Variants in AGAP1 observed in about 807,000 individuals in gnomAD.
The protein encoded by AGAP1 is ArfGAP with GTPase domain, ankyrin repeat and PH domain 1.
AGAP1 carries 29 observed loss-of-function variants against 105.3 expected under a neutral mutation model. That is an observed-to-expected ratio of 0.28 (90% CI 0.21 to 0.38). The LOEUF (loss-of-function observed/expected upper bound fraction) is 0.38. Among genes scored for constraint, AGAP1 ranks in the 10% least tolerant of loss-of-function variants. The pLI is 1.00. For synonymous variants in AGAP1, 509 were observed against 485.9 expected, an observed-to-expected ratio of 1.05 and a Z score of -0.63; for missense variants, 998 against 1,165.1, an observed-to-expected ratio of 0.86 and a Z score of 2.09.
At chr2:235,760,412 T>C (rs562913477) in intron 6 of AGAP1, among the ~76,000 whole-genome samples, 1 of 152,232 alleles carries the variant, frequency 6.6e-6, no homozygotes, top group African/African-American at 2.4e-5. Flanking sequence ...TAAATACAAA[T>C]GTGTAAGATA....
At chr2:235,827,128 G>A (rs576052829) in intron 9 of AGAP1, among the ~76,000 whole-genome samples, 107 of 152,324 alleles carry the variant, frequency 7.0e-4, no homozygotes, top group Non-Finnish European at 1.1e-3. Flanking sequence ...CCTTCAAGAT[G>A]AGAGGACACA....
At chr2:235,704,969 CTTTT>C (rs969370505) in intron 1 of AGAP1, among the ~76,000 whole-genome samples, 5 of 59,732 alleles carry the variant, frequency 8.4e-5, no homozygotes, top group African/African-American at 3.4e-4. Flanking sequence ...ATGCTTTTTT[CTTTT>C]TTTTTTTTTT....
intron 1 of AGAP1, among the ~76,000 whole-genome samples, chr2:235,606,372 C>T (rs1180244503): frequency 6.6e-6 from 1 of 152,158 alleles, no homozygotes. Flanking sequence ...CATCCTTCAC[C>T]CTGGAGCCAG....
chr2:236,000,035 A>G lies in AGAP1; in HGVS notation c.1645+31412A>G, dbSNP rs1163344899. Reference sequence around the variant, plus strand: ...AAAGAATACGTGAAGGCCAGCTTCTAGACCAGTGTCCTCACGTGCAGGCGT... The same window carrying G: ...AAAGAATACGTGAAGGCCAGCTTCTGGACCAGTGTCCTCACGTGCAGGCGT... On this transcript the variant is annotated intron_variant, in intron 13 of 17. Coordinates refer to ENST00000304032, the MANE Select transcript of AGAP1 (RefSeq NM_001037131.3). The surrounding 1 kb of genome is among the most constrained non-coding windows in gnomAD (Gnocchi z 4.3). 1.3e-5 allele frequency among the ~76,000 whole-genome samples: 2 copies of G among 152,150 alleles called. No homozygotes were observed. The highest frequency in any genetic ancestry group is 4.8e-5 in the African/African-American group (2 of 41,420).
At chr2:235,534,893 G>A (rs1943160720) in intron 1 of AGAP1, among the ~76,000 whole-genome samples, 1 of 152,244 alleles carries the variant, frequency 6.6e-6, no homozygotes, top group Middle Eastern at 3.4e-3. Flanking sequence ...CCTCTTTAGG[G>A]GTCCTTGGAT....
At chr2:236,086,772 G>T (rs1481706263) in intron 16 of AGAP1, among the ~76,000 whole-genome samples, 1 of 152,096 alleles carries the variant, frequency 6.6e-6, no homozygotes, top group Non-Finnish European at 1.5e-5. Context: ...ACACAGGAGG[G>T]CACTGGCCAG....
intron 9 of AGAP1, among the ~76,000 whole-genome samples, chr2:235,808,614 G>C (rs550017564): frequency 6.6e-6 from 1 of 152,310 alleles, no homozygotes; most frequent in South Asian, 2.1e-4. Flanking sequence ...AACCGACCCT[G>C]CCCGGGAGCA....
At chr2:235,815,174 C>T (rs1049088616) in intron 9 of AGAP1, among the ~76,000 whole-genome samples, 9 of 152,180 alleles carry the variant, frequency 5.9e-5, no homozygotes, top group Non-Finnish European at 1.0e-4. Context: ...CAGCCCCACA[C>T]AGCGCATGAG....
rs1280091572 is a variant in AGAP1 at position 235,664,544 on chromosome 2, C to G, written c.164-44635C>G. 2.0e-5 allele frequency among the ~76,000 whole-genome samples: 3 copies of G among 152,130 alleles called. No homozygotes were observed. Among genetic ancestry groups the G allele is most frequent in the Non-Finnish European group, 4.4e-5 (3 of 68,032 alleles). On this transcript the variant is annotated intron_variant, in intron 1 of 17. Coordinates refer to ENST00000304032, the MANE Select transcript of AGAP1 (RefSeq NM_001037131.3). The surrounding 1 kb of genome is among the most constrained non-coding windows in gnomAD (Gnocchi z 5.7). The stretch of plus-strand genomic sequence containing the variant: ...GATTTAATATCTTAAGTCACCTTTG[C>G]CTGACACTTAGCAAGAAAAACTACC...
At chr2:235,926,139 G>C (rs4663218) in intron 11 of AGAP1, among the ~76,000 whole-genome samples, 4 of 152,018 alleles carry the variant, frequency 2.6e-5, no homozygotes, top group Non-Finnish European at 5.9e-5. Context: ...AGGTCAATTA[G>C]TTAATGACAT....
intron 11 of AGAP1, among the ~76,000 whole-genome samples, chr2:235,916,617 C>T (rs144898777): frequency 6.6e-6 from 1 of 152,244 alleles, no homozygotes; most frequent in East Asian, 1.9e-4. Flanking sequence ...CTCACTAAAC[C>T]CCAGCTTCCT....
At position 236,005,975 on chromosome 2, in the gene AGAP1, C is replaced by T. The variant is rs952317005; in HGVS notation, c.1646-30586C>T. 6.6e-6 allele frequency among the ~76,000 whole-genome samples: 1 copy of T among 152,298 alleles called. No homozygotes were observed. Among genetic ancestry groups the T allele is most frequent in the Non-Finnish European group, 1.5e-5 (1 of 68,020 alleles). On this transcript the variant is annotated intron_variant, in intron 13 of 17. Transcript: ENST00000304032. The surrounding 1 kb of genome is among the most constrained non-coding windows in gnomAD (Gnocchi z 4.1). The stretch of plus-strand genomic sequence containing the variant: ...GTCACTGTGCACTTAAGGAGTTGGG[C>T]GTTAGACCCCCTGTCCTTGAGGGTG...
intron 11 of AGAP1, among the ~76,000 whole-genome samples, chr2:235,925,302 AT>A (rs1194151116): frequency 5.8e-4 from 88 of 152,136 alleles, no homozygotes; most frequent in Non-Finnish European, 9.8e-4. Flanking sequence ...TGCAAAGAAC[AT>A]TTCCAACGAT....
At chr2:235,755,535 G>T (rs759176842) in intron 6 of AGAP1, among the ~76,000 whole-genome samples, 4 of 152,160 alleles carry the variant, frequency 2.6e-5, no homozygotes, top group Non-Finnish European at 5.9e-5. Flanking sequence ...CTACCTCCCG[G>T]GTTCAAGCAG....
rs1339469466 is a variant in AGAP1 at position 235,610,324 on chromosome 2, T to G, written c.164-98855T>G. 6.6e-6 allele frequency among the ~76,000 whole-genome samples: 1 copy of G among 152,298 alleles called. No homozygotes were observed. The highest frequency in any genetic ancestry group is 1.9e-4 in the East Asian group (1 of 5,164). On this transcript the variant is annotated intron_variant, in intron 1 of 17. Transcript: ENST00000304032. This position sits in a 1 kb window ranked among gnomAD's most constrained non-coding sequence, Gnocchi z 4.9. ...CCACCGTGCACTTGTCCGCTTGGGCTGCCATAACAAAATACCAGACGCTGG... is the reference window on the plus strand; with the variant it reads ...CCACCGTGCACTTGTCCGCTTGGGCGGCCATAACAAAATACCAGACGCTGG...
intron 13 of AGAP1, among the ~76,000 whole-genome samples, chr2:236,029,928 G>A (rs1186551819): frequency 1.3e-5 from 2 of 151,834 alleles, no homozygotes; most frequent in Non-Finnish European, 2.9e-5. Flanking sequence ...TTGTAGAGAT[G>A]AGGTCTCACT....
chr2:235,607,847 T>TAG (rs1945997941), intron 1 of AGAP1, among the ~76,000 whole-genome samples: 1 of 152,148 alleles, frequency 6.6e-6, no homozygotes, highest in Non-Finnish European at 1.5e-5. Flanking sequence ...TTCTTTGAGG[T>TAG]TTAATAGTAT....
chr2:235,497,648 G>A (rs1299903427), intron 1 of AGAP1, among the ~76,000 whole-genome samples: 1 of 152,230 alleles, frequency 6.6e-6, no homozygotes, highest in African/African-American at 2.4e-5. Context: ...CCAGGCTGGA[G>A]TGCAGCGGCG....
Position 235,976,015 on chromosome 2 carries a change from T to C in AGAP1, c.1645+7392T>C, listed in dbSNP as rs530428361. Among the ~76,000 whole-genome samples, 1 of 152,190 alleles carries C rather than the reference T, an allele frequency of 6.6e-6. No individual in the cohort carries two copies. Among genetic ancestry groups the C allele is most frequent in the South Asian group, 2.1e-4 (1 of 4,812 alleles). On this transcript the variant is annotated intron_variant, in intron 13 of 17. Transcript: ENST00000304032. This position sits in a 1 kb window ranked among gnomAD's most constrained non-coding sequence, Gnocchi z 4.5. ...AAAACCAAGAATGAGAACATCTTCC[T>C]GGGAGATACACTGGAAATGCAGTAG...
Sources: gnomAD v4.1 joint callset for allele counts (sites outside exome capture counted in the v4.1 genomes callset) on GRCh38, gnomAD v4.1.1 for gene constraint, Gnocchi (gnomAD v3.1) non-coding constraint, MANE v1.5 for transcripts, NCBI Gene and HGNC (gene_info 2026-07-23, HGNC 2026-07-21) for gene names.